OPA3: variants seen among roughly 807,000 people sequenced by gnomAD.
OPA3 encodes optic atrophy 3 protein.
Under a neutral mutation model 4.0 loss-of-function variants are expected in OPA3, and 6 were observed. The observed-to-expected ratio is 1.51, with a 90% CI of 0.83 to 2.99. The LOEUF (loss-of-function observed/expected upper bound fraction) is 2.99, where lower values mean the gene tolerates loss of function less well. Among genes scored for constraint, OPA3 ranks in the 30% most tolerant of loss-of-function variants. OPA3 has a pLI of 0.00. For missense variants in OPA3, 235 were observed against 256.2 expected (o/e 0.92, Z 0.56); for synonymous variants, 105 against 117.1 (o/e 0.90, Z 0.67).
intron 1 of OPA3, among the ~76,000 whole-genome samples, chr19:45,570,882 C>A (rs1164384648): frequency 2.2e-5 from 3 of 137,258 alleles, no homozygotes; most frequent in Non-Finnish European, 4.6e-5. Flanking sequence ...AAAAAAAATT[C>A]AAAGCCAGAC....
intron 1 of OPA3, among the ~76,000 whole-genome samples, chr19:45,537,527 C>T (rs10420694): frequency 0.011 from 1,608 of 151,812 alleles, 22 homozygotes; most frequent in African/African-American, 0.037. Context: ...ACAAATAACT[C>T]AAATTTAGGA....
Position 45,548,510 on chromosome 19 carries a change from G to C in OPA3, c.*5004C>G, listed in dbSNP as rs1053663944. The C allele has an allele frequency of 4.1e-5, 40 of 985,320 alleles. No individual in the cohort carries two copies. Among genetic ancestry groups the C allele is most frequent in the African/African-American group, 7.0e-5 (4 of 57,224 alleles). 61.0% of individuals were successfully genotyped at this position (985,320 alleles called of 1,614,324 possible). A position where few individuals can be genotyped will look rare whatever the true frequency, so the allele number is the denominator to read the frequency against. On this transcript the variant is annotated 3_prime_UTR_variant, in exon 2 of 2. Coordinates refer to ENST00000263275, the MANE Select transcript of OPA3 (RefSeq NM_025136.4). The stretch of plus-strand genomic sequence containing the variant: ...CTGCTTCCTAAACAACTATGGGGTG[G>C]GGCAGGGAACACTGGAAAAGAAATG...
Position 45,548,156 on chromosome 19 carries a change from C to T in OPA3, c.*5358G>A. 1 of 985,920 alleles carries T rather than the reference C, an allele frequency of 1.0e-6. No individual in the cohort carries two copies. Among genetic ancestry groups the T allele is most frequent in the African/African-American group, 1.7e-5 (1 of 57,342 alleles). The allele number at this position is 985,920 out of a possible 1,614,324, so 61.1% of individuals were successfully genotyped here. On this transcript the variant is annotated 3_prime_UTR_variant, in exon 2 of 2. Coordinates refer to ENST00000263275, the MANE Select transcript of OPA3 (RefSeq NM_025136.4). Reference sequence around the variant, plus strand: ...CATGCTTCTCCTCTCTCTGTCCACACCGACTCCAGCTACAAGCCATTGCCA... The same window carrying T: ...CATGCTTCTCCTCTCTCTGTCCACATCGACTCCAGCTACAAGCCATTGCCA...
At chr19:45,554,761 T>C (rs1332345206) in intron 1 of OPA3, among the ~76,000 whole-genome samples, 4 of 152,234 alleles carry the variant, frequency 2.6e-5, no homozygotes, top group Non-Finnish European at 5.9e-5. Flanking sequence ...GGTTTAGTAA[T>C]TATTCATGAA....
intron 1 of OPA3, among the ~76,000 whole-genome samples, chr19:45,572,520 T>G (rs1384312277): frequency 7.9e-6 from 1 of 127,038 alleles, no homozygotes; most frequent in Non-Finnish European, 1.7e-5. Context: ...ATATATGAGA[T>G]ATGAGATATA....
chr19:45,584,230 A>G, intron 1 of OPA3: 1 of 551,502 alleles, frequency 1.8e-6, no homozygotes. Context: ...CCGCTTTTGA[A>G]ATGAAGTTGC....
chr19:45,573,621 A>G (rs1312422117), intron 1 of OPA3, among the ~76,000 whole-genome samples: 1 of 152,168 alleles, frequency 6.6e-6, no homozygotes, highest in African/African-American at 2.4e-5. Flanking sequence ...GGTCACACAG[A>G]AAGTGGCAGA....
rs113095552 is a variant in OPA3 at position 45,550,338 on chromosome 19, G to A, written c.*3176C>T. ...CTTTCACCTGCAGCTTCCCAAAAGC[G>A]GGCCCAGGTGGAATGGTCACCCAGT... On this transcript the variant is annotated 3_prime_UTR_variant, in exon 2 of 2. Transcript: ENST00000263275. 1.8e-5 allele frequency: 18 copies of A among 985,448 alleles called. 1 individual carries two copies. The highest frequency in any genetic ancestry group is 1.7e-4 in the African/African-American group (10 of 57,334). The allele number at this position is 985,448 out of a possible 1,614,324, so 61.0% of individuals were successfully genotyped here. A position where few individuals can be genotyped will look rare whatever the true frequency, so the allele number is the denominator to read the frequency against.
intron 1 of OPA3, among the ~76,000 whole-genome samples, chr19:45,537,813 C>T (rs1969139417): frequency 2.0e-5 from 3 of 152,048 alleles, no homozygotes; most frequent in Admixed American, 2.0e-4. Flanking sequence ...TCAGCTTTCT[C>T]TCTTTAAAAA....
intron 1 of OPA3, 187 bp downstream of exon 1, chr19:45,584,436 A>G (rs1969901631): frequency 9.2e-6 from 9 of 981,416 alleles, no homozygotes; most frequent in Non-Finnish European, 1.1e-5. Flanking sequence ...CCCGCCCCTT[A>G]CGCCCCGCCC....
intron 1 of OPA3, among the ~76,000 whole-genome samples, chr19:45,569,959 C>T (rs1326039559): frequency 6.6e-6 from 1 of 152,198 alleles, no homozygotes; most frequent in Non-Finnish European, 1.5e-5. Flanking sequence ...GTTTGATTGA[C>T]ATTTACTGGC....
At position 45,548,821 on chromosome 19, in the gene OPA3, A is replaced by ATT; in HGVS notation, c.*4692_*4693insAA. On this transcript the variant is annotated 3_prime_UTR_variant, in exon 2 of 2. Transcript: ENST00000263275. Reference sequence around the variant, plus strand: ...TATTTATTTATTTATTTATTTATTTAGAGATGAAGTCTCGCTCTGTCACCC... The same window carrying ATT: ...TATTTATTTATTTATTTATTTATTTATTGAGATGAAGTCTCGCTCTGTCACCC... The ATT allele has an allele frequency of 1.3e-6, 1 of 772,396 alleles. No individual in the cohort carries two copies. Among genetic ancestry groups the ATT allele is most frequent in the East Asian group, 1.3e-4 (1 of 7,762 alleles). 47.8% of individuals were successfully genotyped at this position (772,396 alleles called of 1,614,324 possible).
chr19:45,562,164 A>G (rs560350270), intron 1 of OPA3, among the ~76,000 whole-genome samples: 1 of 151,600 alleles, frequency 6.6e-6, no homozygotes, highest in African/African-American at 2.4e-5. Context: ...CCTGGCCAAC[A>G]TGGCAAAACC....
At chr19:45,574,322 G>A (rs1969734617) in intron 1 of OPA3, among the ~76,000 whole-genome samples, 1 of 151,680 alleles carries the variant, frequency 6.6e-6, no homozygotes, top group Admixed American at 6.6e-5. Flanking sequence ...GCGTGAACCC[G>A]GGAGGCGGAG....
exon 2 of OPA3, chr19:45,529,332 G>C (rs1423407642): frequency 6.2e-7 from 1 of 1,614,220 alleles, no homozygotes; most frequent in Admixed American, 1.7e-5. Flanking sequence ...CGGTGATGAA[G>C]ATGATGCCCT....
At chr19:45,581,312 A>G (rs547876264) in intron 1 of OPA3, among the ~76,000 whole-genome samples, 1 of 151,976 alleles carries the variant, frequency 6.6e-6, no homozygotes, top group African/African-American at 2.4e-5. Flanking sequence ...ACAGAGGGGG[A>G]AAAAAAGTGC....
downstream of OPA3, among the ~76,000 whole-genome samples, chr19:45,542,028 C>A (rs1256750211): frequency 6.6e-6 from 1 of 152,218 alleles, no homozygotes; most frequent in Admixed American, 6.5e-5. Flanking sequence ...TGCAACCCAA[C>A]AGACAGGCTC....
intron 1 of OPA3, 61 bp from the exon 2 acceptor site, chr19:45,553,972 TC>T (rs1213226696): frequency 7.1e-7 from 1 of 1,414,842 alleles, no homozygotes; most frequent in Non-Finnish European, 9.7e-7. Context: ...CCCACCCCTC[TC>T]ACCCAGGGAA....
chr19:45,566,713 A>C (rs1969588804), intron 1 of OPA3, among the ~76,000 whole-genome samples: 1 of 151,458 alleles, frequency 6.6e-6, no homozygotes, highest in Non-Finnish European at 1.5e-5. Context: ...TGACCTTGTG[A>C]TCCGCCCGCC....
Sources: gnomAD v4.1 joint callset for allele counts (sites outside exome capture counted in the v4.1 genomes callset) on GRCh38, gnomAD v4.1.1 for gene constraint, MANE v1.5 for transcripts, NCBI Gene and HGNC (gene_info 2026-07-23, HGNC 2026-07-21) for gene names.